AGAP1: variants seen among roughly 807,000 people sequenced by gnomAD.
AGAP1 encodes arf-GAP with GTPase, ANK repeat and PH domain-containing protein 1.
AGAP1 carries 29 observed loss-of-function variants against 105.3 expected under a neutral mutation model. The observed-to-expected ratio is 0.28, with a 90% CI of 0.21 to 0.38. The LOEUF is 0.38. Among genes scored for constraint, AGAP1 ranks in the 10% least tolerant of loss-of-function variants. The probability of loss-of-function intolerance (pLI) is 1.00; values close to 1 mark genes in which losing one functional copy is unlikely to be tolerated. For missense variants in AGAP1, 998 were observed against 1,165.1 expected (o/e 0.86, Z 2.09); for synonymous variants, 509 against 485.9 (o/e 1.05, Z -0.63).
chr2:235,776,056 G>C (rs908825377), intron 6 of AGAP1, among the ~76,000 whole-genome samples: 4 of 152,166 alleles, frequency 2.6e-5, no homozygotes, highest in Non-Finnish European at 4.4e-5. Flanking sequence ...TTAGGAGACT[G>C]CGTTGTGTTT....
rs999219673 is a variant in AGAP1, at chr2:235,906,045, C to G, written c.1156-2693C>G. 6.6e-6 allele frequency among the ~76,000 whole-genome samples: 1 copy of G among 152,184 alleles called. No homozygotes were observed. The highest frequency in any genetic ancestry group is 2.4e-5 in the African/African-American group (1 of 41,460). ...TGTTGTTCCCAGCCCAGATACCACC[C>G]TCCCGTTACCCGAACCCACCATGAC... is the stretch of plus-strand genomic sequence containing the variant. On this transcript the variant is annotated intron_variant, in intron 10 of 17. Transcript: ENST00000304032. The surrounding 1 kb of genome is among the most constrained non-coding windows in gnomAD (Gnocchi z 5.3).
intron 12 of AGAP1, among the ~76,000 whole-genome samples, chr2:235,966,831 G>T (rs1334701858): frequency 6.6e-6 from 1 of 152,168 alleles, no homozygotes; most frequent in Non-Finnish European, 1.5e-5. Context: ...AGAGGGGCGA[G>T]GGGTCTCTGC....
chr2:235,756,428 A>G (rs1349302606), intron 6 of AGAP1, among the ~76,000 whole-genome samples: 2 of 152,190 alleles, frequency 1.3e-5, no homozygotes, highest in East Asian at 3.9e-4. Flanking sequence ...CTGATTCCTA[A>G]AGAAAGAGGG....
At chr2:235,881,357 C>CT (rs2050015901) in intron 9 of AGAP1, among the ~76,000 whole-genome samples, 1 of 152,156 alleles carries the variant, frequency 6.6e-6, no homozygotes, top group African/African-American at 2.4e-5. Flanking sequence ...GGCATCTCGG[C>CT]TTTCTCAAAG....
At chr2:235,869,379 T>C (rs986107744) in intron 9 of AGAP1, among the ~76,000 whole-genome samples, 1 of 127,472 alleles carries the variant, frequency 7.8e-6, no homozygotes, top group Admixed American at 1.0e-4. Flanking sequence ...GGTCAGGAGA[T>C]TGAGACCATC....
rs1014491760 is a variant in AGAP1, at chr2:235,667,614, G to A, written c.164-41565G>A. The stretch of plus-strand genomic sequence containing the variant: ...GTCATTCTGAACCATTCTGACAGAT[G>A]AATCCCGCCTGGCTGCTACTCTAGA... On this transcript the variant is annotated intron_variant, in intron 1 of 17. Transcript: ENST00000304032. Among the ~76,000 whole-genome samples, 4 of 152,076 alleles carry A rather than the reference G, an allele frequency of 2.6e-5. 1 individual carries two copies. The highest frequency in any genetic ancestry group is 9.7e-5 in the African/African-American group (4 of 41,420).
intron 13 of AGAP1, among the ~76,000 whole-genome samples, chr2:236,015,982 T>A (rs1441330974): frequency 6.6e-6 from 1 of 152,114 alleles, no homozygotes; most frequent in Non-Finnish European, 1.5e-5. Flanking sequence ...CCTCTTTTTT[T>A]CTTTCTTTCA....
Position 235,494,725 on chromosome 2 carries a change from C to A in AGAP1, c.39C>A (p.Ile13=), listed in dbSNP as rs1941232835. 1.9e-6 allele frequency: 3 copies of A among 1,562,144 alleles called. No homozygotes were observed. Among genetic ancestry groups the A allele is most frequent in the Non-Finnish European group, 2.6e-6 (3 of 1,154,256 alleles). The change falls in exon 1 of 18, where the codon ATC becomes ATA. Residue 13 remains isoleucine, a synonymous_variant. Coordinates refer to ENST00000304032, the MANE Select transcript of AGAP1 (RefSeq NM_001037131.3). ...YQQQLANSAA[I]RAEIQRFESV... ...AGCAGCTGGCCAACTCGGCTGCCAT[C>A]CGGGCCGAGATCCAGCGCTTCGAGT...
chr2:235,805,904 G>C lies in AGAP1; in HGVS notation c.958-1335G>C, dbSNP rs76539610. Among the ~76,000 whole-genome samples, 1,449 of 152,314 alleles carry C rather than the reference G, an allele frequency of 9.5e-3. 27 individuals are homozygous for C. The highest frequency in any genetic ancestry group is 0.033 in the African/African-American group (1,382 of 41,566). ...TTGGCACGTAGTAGGTGTTCAATAA[G>C]CATCAGCTCTTATCACCATCTGAGA... On this transcript the variant is annotated intron_variant, in intron 8 of 17. Coordinates refer to ENST00000304032, the MANE Select transcript of AGAP1 (RefSeq NM_001037131.3).
chr2:235,952,597 CT>C (rs1018927685), intron 12 of AGAP1, among the ~76,000 whole-genome samples: 1 of 152,052 alleles, frequency 6.6e-6, no homozygotes, highest in Non-Finnish European at 1.5e-5. Flanking sequence ...TAAATTTTAT[CT>C]GTGTTTTTTT....
At chr2:236,033,075 G>A (rs777213722) in intron 13 of AGAP1, among the ~76,000 whole-genome samples, 11 of 152,006 alleles carry the variant, frequency 7.2e-5, no homozygotes, top group African/African-American at 2.7e-4. Flanking sequence ...GTGAAACCCT[G>A]TCTCCACTAA....
At chr2:235,816,987 G>A (rs1326546219) in intron 9 of AGAP1, among the ~76,000 whole-genome samples, 1 of 152,192 alleles carries the variant, frequency 6.6e-6, no homozygotes, top group African/African-American at 2.4e-5. Context: ...GTTCCTGACA[G>A]CAGACTCAGT....
At chr2:235,536,678 C>CA (rs1185260733) in intron 1 of AGAP1, among the ~76,000 whole-genome samples, 1 of 147,096 alleles carries the variant, frequency 6.8e-6, no homozygotes, top group South Asian at 2.2e-4. Context: ...CACACACACA[C>CA]CCCTTGCTTA....
chr2:235,640,899 A>C lies in AGAP1; in HGVS notation c.164-68280A>C, dbSNP rs1947168366. Among the ~76,000 whole-genome samples the C allele has an allele frequency of 2.6e-5, 4 of 152,222 alleles. No individual in the cohort carries two copies. The South Asian group carries it at 8.3e-4, about 32-fold the overall frequency. On this transcript the variant is annotated intron_variant, in intron 1 of 17. Transcript: ENST00000304032. ...AAGTCCAGGAGTCCTGACTGCTTTC[A>C]CTCATTTAGGTGGGCTGGCAAGCAG...
rs533072345 is a variant in AGAP1 at position 235,787,038 on chromosome 2, G to T, written c.674-10721G>T. Among the ~76,000 whole-genome samples the T allele has an allele frequency of 2.6e-5, 4 of 152,332 alleles. No individual in the cohort carries two copies. Among genetic ancestry groups the T allele is most frequent in the Admixed American group, 2.6e-4 (4 of 15,304 alleles). The stretch of plus-strand genomic sequence containing the variant: ...AATCAGGGTCTTGACACCAGCTCCT[G>T]CCACTCTGACACATACTTAGGCAGT... On this transcript the variant is annotated intron_variant, in intron 6 of 17. Transcript: ENST00000304032. The surrounding 1 kb of genome is among the most constrained non-coding windows in gnomAD (Gnocchi z 4.4).
chr2:235,592,521 G>A (rs1019569004), intron 1 of AGAP1, among the ~76,000 whole-genome samples: 16 of 152,018 alleles, frequency 1.1e-4, no homozygotes, highest in East Asian at 6.1e-4. Context: ...CCGGGCTTGC[G>A]GCTTGTGGCA....
chr2:235,742,533 A>G (rs1952652086), intron 4 of AGAP1, among the ~76,000 whole-genome samples: 1 of 152,226 alleles, frequency 6.6e-6, no homozygotes, highest in Non-Finnish European at 1.5e-5. Flanking sequence ...GTTTGAGCCC[A>G]TGTTCAGTGA....
At chr2:235,515,623 A>G (rs975728650) in intron 1 of AGAP1, among the ~76,000 whole-genome samples, 2 of 152,200 alleles carry the variant, frequency 1.3e-5, no homozygotes, top group Non-Finnish European at 2.9e-5. Context: ...ATTTTGCGGA[A>G]AAAAGTCTGC....
rs1332621540 is a variant in AGAP1 at position 236,119,915 on chromosome 2, C to G, written c.2115-277C>G. On this transcript the variant is annotated intron_variant, in intron 16 of 17. Transcript: ENST00000304032. This position sits in a 1 kb window ranked among gnomAD's most constrained non-coding sequence, Gnocchi z 6.6. Reference sequence around the variant, plus strand: ...TCTCACACCTTGGGCCTATTGGAATCCCCTGCAGGGCTTCTTAAAACACCC... The same window carrying G: ...TCTCACACCTTGGGCCTATTGGAATGCCCTGCAGGGCTTCTTAAAACACCC... Among the ~76,000 whole-genome samples, 1 of 152,140 alleles carries G rather than the reference C, an allele frequency of 6.6e-6. No individual in the cohort carries two copies. The highest frequency in any genetic ancestry group is 1.5e-5 in the Non-Finnish European group (1 of 68,036).
Sources: gnomAD v4.1 joint callset for allele counts (sites outside exome capture counted in the v4.1 genomes callset) on GRCh38, gnomAD v4.1.1 for gene constraint, Gnocchi (gnomAD v3.1) non-coding constraint, MANE v1.5 for transcripts, NCBI Gene and HGNC (gene_info 2026-07-23, HGNC 2026-07-21) for gene names.